Variants in ARHGEF11 observed in about 807,000 individuals in gnomAD.
The protein encoded by ARHGEF11 is Rho guanine exchange factor (GEF) 11.
A neutral mutation model predicts 193.7 loss-of-function variants in ARHGEF11; 55 were observed. The ratio of observed to expected loss-of-function variants is 0.28; its 90% CI spans 0.23 to 0.36. The LOEUF (loss-of-function observed/expected upper bound fraction) is 0.36. Among genes scored for constraint, ARHGEF11 ranks in the 10% least tolerant of loss-of-function variants. The pLI, the probability that ARHGEF11 is intolerant of heterozygous loss-of-function variation, is 1.00. For missense variants in ARHGEF11, 1,723 were observed against 2,005.6 expected (o/e 0.86, Z 2.69); for synonymous variants, 693 against 768.0 (o/e 0.90, Z 1.62).
intron 35 of ARHGEF11, 107 bp downstream of exon 35, chr1:156,941,265 C>T: frequency 9.8e-7 from 1 of 1,019,058 alleles, no homozygotes; most frequent in Middle Eastern, 2.8e-4. Flanking sequence ...CAAAACCTCA[C>T]ACCCCGGGCC....
Position 156,940,333 on chromosome 1 carries a change from C to T in ARHGEF11, c.3607G>A (p.Val1203Ile), listed in dbSNP as rs745832377. 2.5e-6 allele frequency: 4 copies of T among 1,613,944 alleles called. No homozygotes were observed. The highest frequency in any genetic ancestry group is 2.5e-6 in the Non-Finnish European group (3 of 1,179,898). Residue 1203 changes from valine (V) to isoleucine (I), a missense_variant, in exon 36 of 41, where the codon GTC becomes ATC. This residue lies in a region of ARHGEF11 where 203 missense variants were observed against 237.3 expected (regional missense o/e 0.86). Coordinates refer to ENST00000368194, the MANE Select transcript of ARHGEF11 (RefSeq NM_198236.3). ...AGGGATGTGGAAGGGCAAGGCAGGA[C>T]ACCCAGTTCCTCTTCCTCTGCACTG... is the stretch of plus-strand genomic sequence containing the variant. ...EGSAEEEELG[V>I]LPCPSTSLDG...
rs765921821 is a variant in ARHGEF11 at position 157,044,249 on chromosome 1, CA to C, written c.32+49del. Reference sequence around the variant, plus strand: ...TATTAAAATGCAACACCACCCCTCCCAGTCTTTCCTTTAGTCAATGTTGAAA... The same window carrying C: ...TATTAAAATGCAACACCACCCCTCCCGTCTTTCCTTTAGTCAATGTTGAAA... On this transcript the variant is annotated intron_variant, in intron 1 of 40. Coordinates refer to ENST00000368194, the MANE Select transcript of ARHGEF11 (RefSeq NM_198236.3). 2.6e-6 allele frequency: 4 copies of C among 1,561,366 alleles called. No individual in the cohort carries two copies. The South Asian group carries it at 4.4e-5, about 17-fold the overall frequency.
chr1:157,020,675 CA>C (rs1179144059), intron 1 of ARHGEF11, among the ~76,000 whole-genome samples: 1 of 152,214 alleles, frequency 6.6e-6, no homozygotes, highest in Non-Finnish European at 1.5e-5. Context: ...TTACAAAGCA[CA>C]CTTTCATTTG....
intron 19 of ARHGEF11, among the ~76,000 whole-genome samples, chr1:156,956,169 T>A (rs1395428752): frequency 5.9e-5 from 9 of 152,170 alleles, no homozygotes; most frequent in African/African-American, 2.2e-4. Context: ...CAGGCTGGAG[T>A]GCAGTGGTAT....
intron 8 of ARHGEF11, among the ~76,000 whole-genome samples, chr1:156,970,602 A>G (rs112268214): frequency 3.2e-3 from 484 of 152,308 alleles, no homozygotes; most frequent in African/African-American, 6.2e-3. Context: ...ATCTTAAGTA[A>G]CTTGCCCAAG....
intron 1 of ARHGEF11, among the ~76,000 whole-genome samples, chr1:157,034,731 A>G (rs1571598931): frequency 2.0e-5 from 3 of 152,358 alleles, no homozygotes; most frequent in Admixed American, 1.3e-4. Flanking sequence ...CCTTAGGAAC[A>G]GGATAAAACA....
chr1:156,982,055 T>G (rs1208356895), intron 3 of ARHGEF11, among the ~76,000 whole-genome samples: 1 of 152,230 alleles, frequency 6.6e-6, no homozygotes, highest in Non-Finnish European at 1.5e-5. Context: ...TCAGCTAAAG[T>G]GTGCTATTTA....
chr1:156,936,497 A>AAATATATATATATAT (rs370282821), intron 40 of ARHGEF11, among the ~76,000 whole-genome samples: 1 of 33,938 alleles, frequency 2.9e-5, no homozygotes, highest in East Asian at 2.2e-3. Context: ...AAAAAAAAAA[A>AAATATATATATATAT]ATATATATAT....
At chr1:157,046,507 C>G (rs1448850000), upstream of ARHGEF11, among the ~76,000 whole-genome samples, 1 of 152,138 alleles carries the variant, frequency 6.6e-6, no homozygotes, top group Non-Finnish European at 1.5e-5. Context: ...TTCGTGGTGT[C>G]AGTTCTTTTA....
At chr1:156,940,581 T>C (rs1198032554) in intron 35 of ARHGEF11, among the ~76,000 whole-genome samples, 156 bp from the exon 36 acceptor site, 1 of 152,230 alleles carries the variant, frequency 6.6e-6, no homozygotes, top group Non-Finnish European at 1.5e-5. Flanking sequence ...CCCAGGCTCT[T>C]GGCATACAAC....
rs903460539 is a variant in ARHGEF11, at chr1:156,935,673, GCACATACAGGCGTGCGCGTGTACA to G, written c.*303_*326del. ...TTTCACTTGCATGTCTGAGGGCAGC[GCACATACAGGCGTGCGCGTGTACA>G]CACATATGTGGGGTGAGGGCAGACC... On this transcript the variant is annotated 3_prime_UTR_variant, in exon 41 of 41. Coordinates refer to ENST00000368194, the MANE Select transcript of ARHGEF11 (RefSeq NM_198236.3). 1.6e-5 allele frequency: 4 copies of G among 257,478 alleles called. No individual in the cohort carries two copies. The highest frequency in any genetic ancestry group is 2.9e-5 in the Non-Finnish European group (4 of 136,184). 15.9% of individuals were successfully genotyped at this position (257,478 alleles called of 1,614,324 possible).
chr1:156,967,574 T>C (rs895471727), intron 11 of ARHGEF11, among the ~76,000 whole-genome samples: 1 of 152,160 alleles, frequency 6.6e-6, no homozygotes, highest in Admixed American at 6.5e-5. Flanking sequence ...AGCTGAGTTT[T>C]TTTTTTTTCT....
At chr1:156,992,337 A>G (rs193159702) in intron 1 of ARHGEF11, among the ~76,000 whole-genome samples, 44 of 152,186 alleles carry the variant, frequency 2.9e-4, no homozygotes, top group African/African-American at 1.0e-3. Flanking sequence ...TGGCGCACAC[A>G]TTCTCCCCTC....
chr1:156,947,074 T>C, intron 26 of ARHGEF11, 59 bp from the exon 27 acceptor site: 2 of 1,598,574 alleles, frequency 1.3e-6, no homozygotes, highest in Non-Finnish European at 1.7e-6. Context: ...GCCAGAACCT[T>C]TCTGACAGAG....
At chr1:156,937,062 G>C (rs1412337458) in intron 39 of ARHGEF11, 57 bp from the exon 40 acceptor site, 1 of 1,590,626 alleles carries the variant, frequency 6.3e-7, no homozygotes, top group Non-Finnish European at 8.6e-7. Context: ...AAGGCCCCTG[G>C]GGAAGGGGTC....
intron 1 of ARHGEF11, among the ~76,000 whole-genome samples, chr1:157,042,798 A>G (rs972477309): frequency 6.6e-6 from 1 of 152,194 alleles, no homozygotes; most frequent in African/African-American, 2.4e-5. Flanking sequence ...TGCATTTACC[A>G]GAAAGAGTTC....
Position 157,044,473 on chromosome 1 carries a change from C to CTGTATG in ARHGEF11, c.-144_-143insCATACA. On this transcript the variant is annotated 5_prime_UTR_variant, in exon 1 of 41. Coordinates refer to ENST00000368194, the MANE Select transcript of ARHGEF11 (RefSeq NM_198236.3). ...TCCTTTCTCCTCCAGCTCTCAGGAC[C>CTGTATG]CTGGTAACTGATGCTCCACTCTACT... 1.4e-6 allele frequency: 1 copy of CTGTATG among 738,696 alleles called. No homozygotes were observed. The highest frequency in any genetic ancestry group is 2.4e-6 in the Non-Finnish European group (1 of 415,068). 45.8% of individuals were successfully genotyped at this position (738,696 alleles called of 1,614,324 possible). A position where few individuals can be genotyped will look rare whatever the true frequency, so the allele number is the denominator to read the frequency against.
intron 8 of ARHGEF11, 77 bp downstream of exon 8, chr1:156,971,620 T>G (rs12136088): frequency 0.16 from 249,690 of 1,530,792 alleles, 21,561 homozygotes; most frequent in East Asian, 0.35. Flanking sequence ...AGAAGCCTTC[T>G]GTCCTTGCTT....
chr1:156,940,130 G>A, intron 36 of ARHGEF11, 77 bp downstream of exon 36: 1 of 1,473,156 alleles, frequency 6.8e-7, no homozygotes, highest in Non-Finnish European at 9.1e-7. Flanking sequence ...GAAGGTGGAG[G>A]GTGCAGGCGC....
Sources: allele counts gnomAD v4.1 joint callset (sites outside exome capture counted in the v4.1 genomes callset), GRCh38; gene constraint gnomAD v4.1.1; regional missense constraint gnomAD v4.1.1; transcripts MANE v1.5; gene names NCBI Gene and HGNC (gene_info 2026-07-23, HGNC 2026-07-21).